Variants in MGAM2 observed in about 807,000 individuals in gnomAD.
MGAM2 encodes maltase-glucoamylase 2 (putative).
In MGAM2, 98 loss-of-function variants were observed where a neutral mutation model predicts 96.1. The ratio of observed to expected loss-of-function variants is 1.02; its 90% CI spans 0.87 to 1.21. The LOEUF is 1.21. Ranked by LOEUF, MGAM2 falls within the 50% of genes most tolerant of loss-of-function variation. The pLI is 0.00. For synonymous variants in MGAM2, 749 were observed against 414.8 expected, an observed-to-expected ratio of 1.81 and a Z score of -9.79; for missense variants, 2,055 against 1,182.4, an observed-to-expected ratio of 1.74 and a Z score of -10.82.
rs748647201 is a variant in MGAM2, at chr7:142,116,844, G to C, written c.1-30G>C. 27 of 703,316 alleles carry C rather than the reference G, an allele frequency of 3.8e-5. No individual in the cohort carries two copies. The East Asian group carries it at 7.0e-4, about 18-fold the overall frequency. The allele number at this position is 703,316 out of a possible 1,614,324, so 43.6% of individuals were successfully genotyped here. ...TTAGATTGGTGGGGCCTTGTGATTTGTTTTAACCCAATTATCTGTGTCTAT... is the reference window on the plus strand; with the variant it reads ...TTAGATTGGTGGGGCCTTGTGATTTCTTTTAACCCAATTATCTGTGTCTAT... On this transcript the variant is annotated intron_variant, in intron 1 of 47. Coordinates refer to ENST00000477922, the MANE Select transcript of MGAM2 (RefSeq NM_001293626.2).
chr7:142,124,571 A>G (rs1179187284), intron 3 of MGAM2, among the ~76,000 whole-genome samples: 1 of 152,112 alleles, frequency 6.6e-6, no homozygotes, highest in Non-Finnish European at 1.5e-5. Context: ...TTCTGAATAC[A>G]TTTTAATTTT....
chr7:142,178,106 C>G (rs896304002), intron 32 of MGAM2, among the ~76,000 whole-genome samples: 6 of 152,222 alleles, frequency 3.9e-5, no homozygotes, highest in Middle Eastern at 3.4e-3. Context: ...TTGCATTTCT[C>G]TATTAGTTAT....
chr7:142,140,976 C>CA (rs376018276), intron 11 of MGAM2, 43 bp downstream of exon 11: 5 of 690,060 alleles, frequency 7.2e-6, no homozygotes, highest in Middle Eastern at 2.3e-4. Context: ...CTTTGTAGTG[C>CA]AAAAAATTTA....
At chr7:142,205,224 G>A (rs1232587176) in intron 45 of MGAM2, among the ~76,000 whole-genome samples, 2 of 152,016 alleles carry the variant, frequency 1.3e-5, no homozygotes, top group African/African-American at 4.8e-5. Flanking sequence ...CATTTGGGTT[G>A]TTTCCACTTT....
chr7:142,167,377 C>T lies in MGAM2; in HGVS notation c.2918C>T (p.Pro973Leu), dbSNP rs143432927. Residue 973 changes from proline (P) to leucine (L), a missense_variant, in exon 26 of 48, where the codon CCG becomes CTG. Physicochemically the swap from Pro to Leu is moderately conservative, Grantham distance 98. Transcript: ENST00000477922. Reference sequence around the variant, plus strand: ...AGCATCACTGCAGACCTTTCCCTCCCGATGGCCCCTGAGTCAGCTGCTGCT... The same window carrying T: ...AGCATCACTGCAGACCTTTCCCTCCTGATGGCCCCTGAGTCAGCTGCTGCT... Reference protein sequence around the residue: ...NTSITADLSLPMAPESAAAAA... With the variant: ...NTSITADLSLLMAPESAAAAA... 13 of 702,982 alleles carry T rather than the reference C, an allele frequency of 1.8e-5. No homozygotes were observed. Among genetic ancestry groups the T allele is most frequent in the East Asian group, 2.7e-5 (1 of 37,268 alleles). 43.5% of individuals were successfully genotyped at this position (702,982 alleles called of 1,614,324 possible).
In MGAM2 at chr7:142,220,768, C is replaced by T. The variant is rs1343117878; in HGVS notation, c.6257C>T (p.Pro2086Leu). 2.8e-6 allele frequency: 2 copies of T among 702,192 alleles called. No individual in the cohort carries two copies. The highest frequency in any genetic ancestry group is 5.2e-6 in the Non-Finnish European group (2 of 384,792). The allele number at this position is 702,192 out of a possible 1,614,324, so 43.5% of individuals were successfully genotyped here. A position where few individuals can be genotyped will look rare whatever the true frequency, so the allele number is the denominator to read the frequency against. The change falls in exon 48 of 48, where the codon CCT (proline) becomes CTT (leucine). Residue 2086 changes from proline (P) to leucine (L), a missense_variant. Physicochemically the swap from Pro to Leu is moderately conservative, Grantham distance 98. Coordinates refer to ENST00000477922, the MANE Select transcript of MGAM2 (RefSeq NM_001293626.2). ...GTTCCTAATACCACTATGCCTTCTC[C>T]TACAAGTAGTACTACTGTGAGTACT... ...NTVPNTTMPS[P>L]TSSTTVSTIA...
At chr7:142,167,649 T>C (rs1296960363) in intron 26 of MGAM2, among the ~76,000 whole-genome samples, 163 bp downstream of exon 26, 2 of 152,210 alleles carry the variant, frequency 1.3e-5, no homozygotes, top group Non-Finnish European at 2.9e-5. Flanking sequence ...CTCAGGTCAC[T>C]GTAACTTCCA....
At chr7:142,150,800 G>A (rs972555052) in intron 15 of MGAM2, among the ~76,000 whole-genome samples, 2 of 152,030 alleles carry the variant, frequency 1.3e-5, no homozygotes, top group Non-Finnish European at 2.9e-5. Context: ...AACCTATAAG[G>A]TACTTTATAA....
At chr7:142,187,495 A>C (rs1325782500) in intron 35 of MGAM2, among the ~76,000 whole-genome samples, 1 of 152,234 alleles carries the variant, frequency 6.6e-6, no homozygotes, top group Non-Finnish European at 1.5e-5. Flanking sequence ...TAAGTTTTAA[A>C]ATGCCAGGTA....
rs1008713187 is a variant in MGAM2, at chr7:142,221,245, T to C, written c.6734T>C (p.Met2245Thr). 9.4e-5 allele frequency: 66 copies of C among 700,078 alleles called. No homozygotes were observed. Among genetic ancestry groups the C allele is most frequent in the Non-Finnish European group, 1.0e-5 (4 of 383,270 alleles). The allele number at this position is 700,078 out of a possible 1,614,324, so 43.4% of individuals were successfully genotyped here. ...ATGACAAATTTTCTTTTAGCTACAA[T>C]GTCTGCTGGTAATATAACTAGTAAT... ...ASMTNFLLAT[M>T]SAGNITSNSI... The change falls in exon 48 of 48, where the codon ATG becomes ACG. Residue 2245 changes from methionine (M) to threonine (T), a missense_variant. Met to Thr is a moderately conservative substitution (Grantham distance 81). Coordinates refer to ENST00000477922, the MANE Select transcript of MGAM2 (RefSeq NM_001293626.2).
chr7:142,131,724 C>A, intron 5 of MGAM2, 97 bp downstream of exon 5: 1 of 643,378 alleles, frequency 1.6e-6, no homozygotes, highest in Non-Finnish European at 2.8e-6. Context: ...CTCTCCCTCT[C>A]TGCAGGAATC....
In MGAM2 at chr7:142,220,572, A is replaced by G. The variant is rs943366103; in HGVS notation, c.6061A>G (p.Thr2021Ala). Residue 2021 changes from threonine (T) to alanine (A), a missense_variant, in exon 48 of 48, where the codon ACA (threonine) becomes GCA (alanine). Physicochemically the swap from Thr to Ala is moderately conservative, Grantham distance 58 (BLOSUM62 0). Transcript: ENST00000477922. ...ASTNATPVPI[T>A]TTLFATSTIG... ...CACTAATGCTACCCCTGTTCCTATC[A>G]CAACCACACTTTTTGCAACAAGTAC... 4.3e-6 allele frequency: 3 copies of G among 698,420 alleles called. No homozygotes were observed. The African/African-American group carries it at 5.3e-5, about 12-fold the overall frequency. 43.3% of individuals were successfully genotyped at this position (698,420 alleles called of 1,614,324 possible). A position where few individuals can be genotyped will look rare whatever the true frequency, so the allele number is the denominator to read the frequency against.
chr7:142,119,131 A>T (rs1232714824), intron 2 of MGAM2, among the ~76,000 whole-genome samples: 1 of 152,194 alleles, frequency 6.6e-6, no homozygotes, highest in Non-Finnish European at 1.5e-5. Flanking sequence ...CAGATATATC[A>T]TTTGCAGATA....
Position 142,161,190 on chromosome 7 carries a change from A to G in MGAM2, c.2411A>G (p.Tyr804Cys). ...DYKREAKGEL[Y>C]WDDGVSKDAV... ...AAGAGAGAAGCAAAGGGGGAGCTGT[A>G]CTGGGATGACGGTGTATCTAAAGGT... The change falls in exon 22 of 48, where the codon TAC becomes TGC. Residue 804 changes from tyrosine (Y) to cysteine (C), a missense_variant. Tyr to Cys is a radical substitution (Grantham distance 194, BLOSUM62 -2). Coordinates refer to ENST00000477922, the MANE Select transcript of MGAM2 (RefSeq NM_001293626.2). 1.4e-6 allele frequency: 1 copy of G among 702,702 alleles called. No homozygotes were observed. Among genetic ancestry groups the G allele is most frequent in the South Asian group, 1.5e-5 (1 of 67,594 alleles). The allele number at this position is 702,702 out of a possible 1,614,324, so 43.5% of individuals were successfully genotyped here.
chr7:142,116,780 A>G (rs894466039), intron 1 of MGAM2, 94 bp from the exon 2 acceptor site: 1 of 677,872 alleles, frequency 1.5e-6, no homozygotes, highest in African/African-American at 1.8e-5. Context: ...GTCATCTTGC[A>G]AACAATTCCA....
intron 24 of MGAM2, among the ~76,000 whole-genome samples, chr7:142,165,459 A>G (rs1387507138): frequency 1.3e-5 from 2 of 152,232 alleles, no homozygotes; most frequent in African/African-American, 2.4e-5. Context: ...GGAGAAATCC[A>G]GTTTTGCTCT....
intron 15 of MGAM2, 144 bp from the exon 16 acceptor site, chr7:142,153,874 G>A: frequency 2.2e-6 from 1 of 463,054 alleles, no homozygotes; most frequent in Non-Finnish European, 3.9e-6. Flanking sequence ...CTCTTAGATA[G>A]TACTAAGTTT....
chr7:142,120,956 A>G (rs1354783262), intron 3 of MGAM2, among the ~76,000 whole-genome samples: 1 of 152,264 alleles, frequency 6.6e-6, no homozygotes, highest in South Asian at 2.1e-4. Context: ...ATTAGTTGTG[A>G]CTTAGGACTT....
At chr7:142,135,911 A>G (rs2129078934) in intron 7 of MGAM2, among the ~76,000 whole-genome samples, 1 of 152,322 alleles carries the variant, frequency 6.6e-6, no homozygotes, top group Admixed American at 6.5e-5. Flanking sequence ...AAAAAATTCA[A>G]AATTACTCAT....
Sources: allele counts gnomAD v4.1 joint callset (sites outside exome capture counted in the v4.1 genomes callset), GRCh38; gene constraint gnomAD v4.1.1; transcripts MANE v1.5; gene names NCBI Gene and HGNC (gene_info 2026-07-23, HGNC 2026-07-21).